PDE3B: variants seen among roughly 807,000 people sequenced by gnomAD.
PDE3B encodes the protein phosphodiesterase 3B.
In PDE3B, 66 loss-of-function variants were observed where a neutral mutation model predicts 116.8. The observed-to-expected ratio is 0.56, with a 90% CI of 0.46 to 0.69. The LOEUF (loss-of-function observed/expected upper bound fraction) is 0.69. Among genes scored for constraint, PDE3B ranks in the 30% least tolerant of loss-of-function variants. The pLI, the probability that PDE3B is intolerant of heterozygous loss-of-function variation, is 0.00. For missense variants in PDE3B, 1,384 were observed against 1,368.1 expected (o/e 1.01, Z -0.18); for synonymous variants, 595 against 533.6 (o/e 1.12, Z -1.59).
intron 1 of PDE3B, chr11:14,674,155 C>T (rs186307554): frequency 2.1e-5 from 29 of 1,361,262 alleles, no homozygotes; most frequent in African/African-American, 1.1e-4. Context: ...CCTTTTCTTC[C>T]GAGGAGGCCA....
At chr11:14,766,058 G>A (rs891673235) in intron 1 of PDE3B, among the ~76,000 whole-genome samples, 17 of 151,552 alleles carry the variant, frequency 1.1e-4, no homozygotes, top group South Asian at 2.1e-4. Context: ...TATGCATTCC[G>A]TATGCGTGGT....
At position 14,734,258 on chromosome 11, in the gene PDE3B, A is replaced by T. The variant is rs374177542; in HGVS notation, c.979-37679A>T. On this transcript the variant is annotated intron_variant, in intron 1 of 15. Coordinates refer to ENST00000282096, the MANE Select transcript of PDE3B (RefSeq NM_000922.4). ...GGCTAATTTTTAATTTTTTTGTACAATTGGGGGTCCCACTGTGTTTCCCAG... is the reference window on the plus strand; with the variant it reads ...GGCTAATTTTTAATTTTTTTGTACATTTGGGGGTCCCACTGTGTTTCCCAG... Among the ~76,000 whole-genome samples the T allele has an allele frequency of 1.9e-4, 29 of 152,144 alleles. No homozygotes were observed. In the South Asian group the frequency reaches 5.8e-3, roughly 30 times the overall value.
At chr11:14,759,635 G>A (rs1240886934) in intron 1 of PDE3B, among the ~76,000 whole-genome samples, 3 of 145,678 alleles carry the variant, frequency 2.1e-5, no homozygotes, top group African/African-American at 5.1e-5. Flanking sequence ...TGAAACCTCC[G>A]CCTCCTGGGT....
intron 1 of PDE3B, chr11:14,701,075 A>G (rs1855347630): frequency 6.6e-6 from 1 of 151,724 alleles, no homozygotes; most frequent in African/African-American, 2.4e-5. Context: ...AACCAATTTT[A>G]ATATTAATTC....
At chr11:14,648,688 A>T (rs1188630422) in intron 1 of PDE3B, among the ~76,000 whole-genome samples, 4 of 152,132 alleles carry the variant, frequency 2.6e-5, no homozygotes. Flanking sequence ...TTCATTGTCC[A>T]CAGGATACTG....
intron 1 of PDE3B, among the ~76,000 whole-genome samples, chr11:14,653,619 A>G (rs377736882): frequency 4.6e-5 from 7 of 152,190 alleles, no homozygotes; most frequent in African/African-American, 1.7e-4. Context: ...GCTTCGGATT[A>G]TATAAGAAAT....
chr11:14,702,876 TATTG>T (rs879463778), intron 1 of PDE3B, among the ~76,000 whole-genome samples: 2 of 151,834 alleles, frequency 1.3e-5, no homozygotes, highest in Non-Finnish European at 2.9e-5. Flanking sequence ...ATCTGTCCCT[TATTG>T]ATTAAGAGTT....
intron 1 of PDE3B, among the ~76,000 whole-genome samples, chr11:14,732,926 C>A (rs185730159): frequency 2.0e-5 from 3 of 152,250 alleles, no homozygotes; most frequent in South Asian, 4.1e-4. Flanking sequence ...TAGATTGATA[C>A]AATTGCTGTT....
At chr11:14,721,434 A>G (rs971069448) in intron 1 of PDE3B, among the ~76,000 whole-genome samples, 15 of 151,304 alleles carry the variant, frequency 9.9e-5, no homozygotes, top group Admixed American at 7.2e-4. Flanking sequence ...GTATATACCC[A>G]AAGGACTATA....
intron 5 of PDE3B, among the ~76,000 whole-genome samples, chr11:14,811,848 G>A (rs1177744974): frequency 1.3e-5 from 2 of 152,118 alleles, no homozygotes; most frequent in Non-Finnish European, 2.9e-5. Context: ...CCTTGAAGAG[G>A]TCCCTCACGT....
At chr11:14,803,750 A>G (rs775392907) in intron 4 of PDE3B, among the ~76,000 whole-genome samples, 194 bp from the exon 5 acceptor site, 1 of 152,246 alleles carries the variant, frequency 6.6e-6, no homozygotes, top group Non-Finnish European at 1.5e-5. Context: ...AATAGAGAAC[A>G]TATAGCCAAA....
chr11:14,779,445 G>T (rs909694529), intron 2 of PDE3B, among the ~76,000 whole-genome samples: 1 of 152,236 alleles, frequency 6.6e-6, no homozygotes, highest in Non-Finnish European at 1.5e-5. Flanking sequence ...ACAAAGGGAA[G>T]CCCATCAGAC....
chr11:14,792,972 CTCTAAAGCCTGT>C lies in PDE3B; in HGVS notation c.1415+3732_1415+3743del, dbSNP rs113538562. Among the ~76,000 whole-genome samples the C allele has an allele frequency of 5.8e-3, 877 of 152,266 alleles. 10 individuals are homozygous for C. The highest frequency in any genetic ancestry group is 0.02 in the African/African-American group (849 of 41,564). ...GACTTTATGTCAGCCATTACTACTC[CTCTAAAGCCTGT>C]TTAAGTTCTGTAAAGAGTTCGAGAT... is the stretch of plus-strand genomic sequence containing the variant. On this transcript the variant is annotated intron_variant, in intron 4 of 15. Transcript: ENST00000282096.
intron 1 of PDE3B, among the ~76,000 whole-genome samples, chr11:14,666,113 C>T (rs1473052020): frequency 6.7e-6 from 1 of 150,368 alleles, no homozygotes; most frequent in African/African-American, 2.4e-5. Flanking sequence ...GAACAGAGCC[C>T]TCAGAAATAA....
intron 1 of PDE3B, among the ~76,000 whole-genome samples, chr11:14,688,651 C>T (rs11023306): frequency 6.6e-6 from 1 of 152,294 alleles, no homozygotes; most frequent in East Asian, 1.9e-4. Context: ...AACTAGCACT[C>T]AGCCATTCAC....
At chr11:14,867,366 TGATA>T in intron 14 of PDE3B, 136 bp from the exon 15 acceptor site, 1 of 674,194 alleles carries the variant, frequency 1.5e-6, no homozygotes, top group South Asian at 2.1e-5. Context: ...ACAGTTGAAA[TGATA>T]GATTGATGCT....
In PDE3B at chr11:14,644,055, T is replaced by TGGCC. The variant is rs1853276802; in HGVS notation, c.-20_-17dup. 6.7e-7 allele frequency: 1 copy of TGGCC among 1,484,616 alleles called. No homozygotes were observed. Among genetic ancestry groups the TGGCC allele is most frequent in the East Asian group, 2.5e-5 (1 of 39,298 alleles). 92.0% of individuals were successfully genotyped at this position (1,484,616 alleles called of 1,614,324 possible). ...TACGAGCGGGGTGTGCTGAGTCCCG[T>TGGCC]GGCCACCCCCGGCCCCAGCCATGAG... On this transcript the variant is annotated 5_prime_UTR_variant, in exon 1 of 16. Transcript: ENST00000282096.
intron 1 of PDE3B, 80 bp from the exon 2 acceptor site, chr11:14,771,857 A>G: frequency 1.8e-6 from 1 of 550,838 alleles, no homozygotes; most frequent in African/African-American, 1.9e-5. Context: ...GATAATTATA[A>G]TTGAAAATGC....
At chr11:14,710,299 T>C (rs896557885) in intron 1 of PDE3B, among the ~76,000 whole-genome samples, 5 of 152,180 alleles carry the variant, frequency 3.3e-5, no homozygotes, top group African/African-American at 7.2e-5. Context: ...TGATTTATTT[T>C]TTTGATTGAT....
Sources: allele counts gnomAD v4.1 joint callset (sites outside exome capture counted in the v4.1 genomes callset), GRCh38; gene constraint gnomAD v4.1.1; transcripts MANE v1.5; gene names NCBI Gene and HGNC (gene_info 2026-07-23, HGNC 2026-07-21).